Variants in UNC13B observed in about 807,000 individuals in gnomAD.
UNC13B encodes protein unc-13 homolog B.
A neutral mutation model predicts 211.0 loss-of-function variants in UNC13B; 144 were observed. That is an observed-to-expected ratio of 0.68 (90% confidence interval 0.60 to 0.78). The LOEUF is 0.78. Among genes scored for constraint, UNC13B ranks in the 30% least tolerant of loss-of-function variants. The pLI, the probability that UNC13B is intolerant of heterozygous loss-of-function variation, is 0.00. For synonymous variants in UNC13B, 709 were observed against 725.8 expected, an observed-to-expected ratio of 0.98 and a Z score of 0.37; for missense variants, 1,777 against 2,002.0, an observed-to-expected ratio of 0.89 and a Z score of 2.14.
intron 7 of UNC13B, among the ~76,000 whole-genome samples, chr9:35,274,482 A>G (rs1032642680): frequency 6.6e-6 from 1 of 152,204 alleles, no homozygotes; most frequent in Non-Finnish European, 1.5e-5. Context: ...TTTTGAAGGG[A>G]CAGAACTCAG....
At position 35,398,922 on chromosome 9, in the gene UNC13B, G is replaced by A. The variant is rs199656978; in HGVS notation, c.11962G>A (p.Asp3988Asn). 6.4e-4 allele frequency: 1,032 copies of A among 1,614,156 alleles called. 1 individual carries two copies. The highest frequency in any genetic ancestry group is 1.5e-3 in the Admixed American group (88 of 60,022). Residue 3988 changes from aspartate (D) to asparagine (N), a missense_variant, in exon 33 of 40, where the codon GAC (aspartate) becomes AAC (asparagine). Asp to Asn is a conservative substitution (Grantham distance 23). Transcript: ENST00000635942. ...RIDECVRQMADILGQVRGTGN... is the reference protein window; with the variant it reads ...RIDECVRQMANILGQVRGTGN... ...TGATGAGTGTGTTCGACAAATGGCCGACATCCTGGGCCAGGTTCGGGGCAC... is the reference window on the plus strand; with the variant it reads ...TGATGAGTGTGTTCGACAAATGGCCAACATCCTGGGCCAGGTTCGGGGCAC...
intron 1 of UNC13B, among the ~76,000 whole-genome samples, chr9:35,224,137 T>G (rs946262437): frequency 6.6e-6 from 1 of 152,190 alleles, no homozygotes; most frequent in Non-Finnish European, 1.5e-5. Context: ...ATCCAGGGTC[T>G]TTTGTGGTTT....
At chr9:35,288,102 TA>T (rs1828893768) in intron 7 of UNC13B, among the ~76,000 whole-genome samples, 1 of 152,170 alleles carries the variant, frequency 6.6e-6, no homozygotes, top group African/African-American at 2.4e-5. Context: ...CCCTTCTCTC[TA>T]CCCACTCTGC....
chr9:35,396,402 T>A (rs528861917), intron 26 of UNC13B, 74 bp from the exon 27 acceptor site: 16 of 1,592,322 alleles, frequency 1.0e-5, no homozygotes, highest in Non-Finnish European at 1.4e-5. Flanking sequence ...TGACCAGATC[T>A]GCTGCCTTGG....
rs1829997095 is a variant in UNC13B, at chr9:35,307,761, C to T, written c.8357C>T (p.Pro2786Leu). 1 of 398,916 alleles carries T rather than the reference C, an allele frequency of 2.5e-6. No homozygotes were observed. The highest frequency in any genetic ancestry group is 4.4e-6 in the Non-Finnish European group (1 of 226,092). The allele number at this position is 398,916 out of a possible 1,614,324, so 24.7% of individuals were successfully genotyped here. A position where few individuals can be genotyped will look rare whatever the true frequency, so the allele number is the denominator to read the frequency against. The change falls in exon 9 of 40, where the codon CCA becomes CTA. Residue 2786 changes from proline (P) to leucine (L), a missense_variant. Physicochemically the swap from Pro to Leu is moderately conservative, Grantham distance 98 (BLOSUM62 -3). Transcript: ENST00000635942. ...LPSSATNHGK[P>L]LSSFFSSPLP... ...TCCTCTGCTACTAACCATGGGAAAC[C>T]ACTGAGCTCTTTCTTTTCCTCACCT...
At chr9:35,255,019 GTATATATAATATAATATATAT>G (rs1301699943) in intron 6 of UNC13B, among the ~76,000 whole-genome samples, 93 of 106,694 alleles carry the variant, frequency 8.7e-4, no homozygotes, top group African/African-American at 1.1e-3. Context: ...ATTAATATAT[GTATATATAATATAATATATAT>G]TATATATAAT....
intron 6 of UNC13B, among the ~76,000 whole-genome samples, chr9:35,258,072 G>A (rs1043649783): frequency 2.6e-5 from 4 of 152,214 alleles, no homozygotes; most frequent in Non-Finnish European, 4.4e-5. Flanking sequence ...CTTGCACGTA[G>A]TGGATACTCA....
intron 11 of UNC13B, chr9:35,342,043 C>A: frequency 1.0e-6 from 1 of 985,456 alleles, no homozygotes; most frequent in Non-Finnish European, 1.2e-6. Flanking sequence ...CAGTGAGACT[C>A]CTGCCAAGCC....
At chr9:35,258,558 A>G (rs184072848) in intron 6 of UNC13B, among the ~76,000 whole-genome samples, 1 of 152,344 alleles carries the variant, frequency 6.6e-6, no homozygotes, top group East Asian at 1.9e-4. Context: ...CCTTATGAGC[A>G]AAGAAGCACT....
chr9:35,238,052 A>G (rs1825610739), intron 5 of UNC13B, among the ~76,000 whole-genome samples: 2 of 152,280 alleles, frequency 1.3e-5, no homozygotes, highest in South Asian at 4.1e-4. Flanking sequence ...TCTTCAACTC[A>G]TTTAATTTTC....
intron 11 of UNC13B, among the ~76,000 whole-genome samples, chr9:35,364,271 A>G (rs16932378): frequency 0.022 from 2,878 of 131,852 alleles, 604 homozygotes; most frequent in African/African-American, 0.12. Flanking sequence ...TGGGAAAAGG[A>G]TGACTGGAAC....
At chr9:35,248,397 G>A (rs1276250352) in intron 6 of UNC13B, among the ~76,000 whole-genome samples, 1 of 152,144 alleles carries the variant, frequency 6.6e-6, no homozygotes, top group Non-Finnish European at 1.5e-5. Context: ...CCTTCTGCTA[G>A]CTTTTGAATG....
At chr9:35,265,919 T>C (rs954582655) in intron 7 of UNC13B, among the ~76,000 whole-genome samples, 13 of 152,254 alleles carry the variant, frequency 8.5e-5, no homozygotes, top group African/African-American at 3.1e-4. Context: ...TCCGTCTCCC[T>C]GGTTCAAGTG....
chr9:35,398,664 G>A, intron 32 of UNC13B, 22 bp downstream of exon 32: 1 of 1,612,736 alleles, frequency 6.2e-7, no homozygotes, highest in Non-Finnish European at 8.5e-7. Flanking sequence ...CACAATACAA[G>A]GCCCTCAGAG....
At chr9:35,181,655 G>A (rs989644120) in intron 1 of UNC13B, among the ~76,000 whole-genome samples, 12 of 152,182 alleles carry the variant, frequency 7.9e-5, no homozygotes, top group Middle Eastern at 6.8e-3. Context: ...TGGCCAACAT[G>A]GTGAAACCCT....
At chr9:35,274,105 G>C (rs2131693618) in intron 7 of UNC13B, among the ~76,000 whole-genome samples, 1 of 152,186 alleles carries the variant, frequency 6.6e-6, no homozygotes, top group East Asian at 1.9e-4. Flanking sequence ...AAAGAAGCCT[G>C]GTTAGAAATC....
At chr9:35,318,537 T>C (rs1272738886) in intron 11 of UNC13B, among the ~76,000 whole-genome samples, 1 of 152,248 alleles carries the variant, frequency 6.6e-6, no homozygotes, top group African/African-American at 2.4e-5. Flanking sequence ...ATACAAAAGA[T>C]GGTATATTAT....
chr9:35,359,080 G>C (rs566244698), intron 11 of UNC13B, among the ~76,000 whole-genome samples: 4 of 152,110 alleles, frequency 2.6e-5, no homozygotes, highest in Admixed American at 1.3e-4. Flanking sequence ...AGTTGTCCCA[G>C]AATGATTTGT....
intron 7 of UNC13B, among the ~76,000 whole-genome samples, chr9:35,268,764 T>C (rs1827715779): frequency 6.6e-6 from 1 of 152,256 alleles, no homozygotes; most frequent in South Asian, 2.1e-4. Flanking sequence ...GATCTCTTTG[T>C]TGCAAAGATA....
Sources: allele counts gnomAD v4.1 joint callset (sites outside exome capture counted in the v4.1 genomes callset), GRCh38; gene constraint gnomAD v4.1.1; transcripts MANE v1.5; gene names NCBI Gene and HGNC (gene_info 2026-07-23, HGNC 2026-07-21).